Variants in ATP13A4 observed in about 807,000 individuals in gnomAD.
The protein encoded by ATP13A4 is probable cation-transporting ATPase 13A4.
Under a neutral mutation model 142.5 loss-of-function variants are expected in ATP13A4, and 114 were observed. That is an observed-to-expected ratio of 0.80 (90% confidence interval 0.69 to 0.93). The LOEUF is 0.93. Ranked by LOEUF, ATP13A4 falls within the 40% of genes least tolerant of loss-of-function variation. The pLI, the probability that ATP13A4 is intolerant of heterozygous loss-of-function variation, is 0.00. For synonymous variants in ATP13A4, 488 were observed against 514.8 expected (o/e 0.95, Z 0.70); for missense variants, 1,392 against 1,454.0 (o/e 0.96, Z 0.69).
chr3:193,472,205 G>A (rs1236891211), intron 8 of ATP13A4, among the ~76,000 whole-genome samples: 1 of 152,210 alleles, frequency 6.6e-6, no homozygotes. Context: ...AAAACATTAA[G>A]TGGACAATCC....
chr3:193,472,912 C>G (rs531611125), intron 8 of ATP13A4, among the ~76,000 whole-genome samples: 1 of 152,058 alleles, frequency 6.6e-6, no homozygotes, highest in Non-Finnish European at 1.5e-5. Context: ...ATAGTAGATT[C>G]CAATGAAAAA....
chr3:193,522,374 T>A, intron 1 of ATP13A4, among the ~76,000 whole-genome samples: 1 of 152,204 alleles, frequency 6.6e-6, no homozygotes, highest in East Asian at 1.9e-4. Context: ...TATGTTCCAG[T>A]CACCCTAAAT....
At chr3:193,488,739 G>C (rs1261746814) in intron 7 of ATP13A4, among the ~76,000 whole-genome samples, 1 of 152,202 alleles carries the variant, frequency 6.6e-6, no homozygotes, top group East Asian at 1.9e-4. Context: ...GAGTGATATA[G>C]TAGTAGCTGA....
At chr3:193,537,776 G>A (rs547227840) in intron 1 of ATP13A4, among the ~76,000 whole-genome samples, 94 of 152,176 alleles carry the variant, frequency 6.2e-4, no homozygotes, top group Middle Eastern at 6.8e-3. Flanking sequence ...GAATAAAAAG[G>A]AACAAACTAT....
intron 17 of ATP13A4, among the ~76,000 whole-genome samples, chr3:193,451,298 G>A (rs928498445): frequency 6.6e-6 from 1 of 152,206 alleles, no homozygotes; most frequent in Admixed American, 6.5e-5. Flanking sequence ...GAAAATGGCT[G>A]CAGGGTCAAA....
At chr3:193,510,981 T>G (rs1721111600) in intron 2 of ATP13A4, among the ~76,000 whole-genome samples, 1 of 152,212 alleles carries the variant, frequency 6.6e-6, no homozygotes, top group Admixed American at 6.5e-5. Context: ...CAGCAAACTT[T>G]TAAACTATTG....
chr3:193,536,194 T>C (rs898848412), intron 1 of ATP13A4, among the ~76,000 whole-genome samples: 3 of 151,950 alleles, frequency 2.0e-5, no homozygotes, highest in Admixed American at 2.0e-4. Flanking sequence ...AAACAAAAAG[T>C]ATAGACCAAC....
At chr3:193,493,853 C>T (rs1255395145) in intron 3 of ATP13A4, among the ~76,000 whole-genome samples, 1 of 151,948 alleles carries the variant, frequency 6.6e-6, no homozygotes, top group African/African-American at 2.4e-5. Flanking sequence ...AGTCATTTTC[C>T]TTTCTAACAT....
intron 29 of ATP13A4, 75 bp from the exon 30 acceptor site, chr3:193,402,939 T>C: frequency 7.7e-7 from 1 of 1,296,634 alleles, no homozygotes; most frequent in South Asian, 1.2e-5. Context: ...CAGGCCATCA[T>C]AAGTCACTAC....
intron 18 of ATP13A4, 140 bp from the exon 19 acceptor site, chr3:193,442,696 G>T: frequency 1.3e-6 from 1 of 789,106 alleles, no homozygotes; most frequent in Non-Finnish European, 2.1e-6. Context: ...TTTCAGCCCT[G>T]ACCTTCTGTG....
At chr3:193,458,714 T>C in intron 14 of ATP13A4, 1 of 447,248 alleles carries the variant, frequency 2.2e-6, no homozygotes, top group Non-Finnish European at 4.0e-6. Flanking sequence ...TGTTTTCTGA[T>C]CCCCATATTC....
chr3:193,474,712 AAGAG>A lies in ATP13A4; in HGVS notation c.809-3723_809-3720del, dbSNP rs1035723870. ...AGAAAAAGAAAAAAGGAAGGAAGGA[AAGAG>A]AGAGAGAAAGAAAGAGAAAGAAAGA... On this transcript the variant is annotated intron_variant, in intron 8 of 29. Coordinates refer to ENST00000342695, the MANE Select transcript of ATP13A4 (RefSeq NM_032279.4). 4.1e-4 allele frequency among the ~76,000 whole-genome samples: 50 copies of A among 122,948 alleles called. 1 individual carries two copies. In the East Asian group the frequency reaches 4.1e-3, roughly 10 times the overall value. 80.7% of individuals were successfully genotyped at this position (122,948 alleles called of 152,430 possible). A position where few individuals can be genotyped will look rare whatever the true frequency, so the allele number is the denominator to read the frequency against.
intron 1 of ATP13A4, among the ~76,000 whole-genome samples, chr3:193,519,822 T>G (rs1382486618): frequency 3.3e-5 from 5 of 151,690 alleles, no homozygotes; most frequent in Admixed American, 1.3e-4. Context: ...TTTTTGTATT[T>G]TTAGTACAGA....
rs1428504159 is a variant in ATP13A4 at position 193,462,839 on chromosome 3, T to C, written c.1462-16A>G. On this transcript the variant is annotated splice_polypyrimidine_tract_variant and intron_variant, in intron 12 of 29. Coordinates refer to ENST00000342695, the MANE Select transcript of ATP13A4 (RefSeq NM_032279.4). ...AGGTGCCTGTCTAAACAGAAACAAA[T>C]GCTCCATTTACTCTGAAGATCCAGG... 1 of 1,612,974 alleles carries C rather than the reference T, an allele frequency of 6.2e-7. No individual in the cohort carries two copies. The highest frequency in any genetic ancestry group is 2.2e-5 in the East Asian group (1 of 44,856).
chr3:193,543,059 T>C (rs1723026951), intron 1 of ATP13A4, among the ~76,000 whole-genome samples: 1 of 151,052 alleles, frequency 6.6e-6, no homozygotes, highest in African/African-American at 2.4e-5. Context: ...TCCCAGCTAC[T>C]GGGGAGGCTG....
At chr3:193,456,784 T>C (rs1005804289) in intron 16 of ATP13A4, among the ~76,000 whole-genome samples, 2 of 151,592 alleles carry the variant, frequency 1.3e-5, no homozygotes, top group African/African-American at 4.9e-5. Flanking sequence ...AATGGGGTGG[T>C]GGCGGGGGAT....
intron 17 of ATP13A4, among the ~76,000 whole-genome samples, chr3:193,448,793 C>G (rs1038499068): frequency 3.3e-5 from 5 of 152,174 alleles, no homozygotes; most frequent in African/African-American, 1.2e-4. Flanking sequence ...AGATGTTTAA[C>G]TCTAACTGAA....
chr3:193,436,004 T>C (rs987138038), intron 23 of ATP13A4, among the ~76,000 whole-genome samples: 18 of 152,220 alleles, frequency 1.2e-4, no homozygotes, highest in African/African-American at 4.3e-4. Flanking sequence ...GTTGCTCTTG[T>C]CCTTTCAGCA....
At chr3:193,486,373 T>C (rs1022063663) in intron 7 of ATP13A4, among the ~76,000 whole-genome samples, 2 of 152,166 alleles carry the variant, frequency 1.3e-5, no homozygotes, top group Non-Finnish European at 1.5e-5. Flanking sequence ...TGGGAGGTGA[T>C]TGCAAGGTAG....
Sources: allele counts gnomAD v4.1 joint callset (sites outside exome capture counted in the v4.1 genomes callset), GRCh38; gene constraint gnomAD v4.1.1; transcripts MANE v1.5; gene names NCBI Gene and HGNC (gene_info 2026-07-23, HGNC 2026-07-21).